Variants in CCDC7 observed in about 807,000 individuals in gnomAD.
The protein encoded by CCDC7 is coiled-coil domain-containing protein 7.
Under a neutral mutation model 196.9 loss-of-function variants are expected in CCDC7, and 183 were observed. The observed-to-expected ratio is 0.93, with a 90% CI of 0.82 to 1.05. CCDC7 has a LOEUF of 1.05. Among genes scored for constraint, CCDC7 ranks in the 50% least tolerant of loss-of-function variants. CCDC7 has a pLI of 0.00. For synonymous variants in CCDC7, 525 were observed against 484.6 expected (o/e 1.08, Z -1.10); for missense variants, 1,540 against 1,482.2 (o/e 1.04, Z -0.64).
At chr10:32,809,657 G>T (rs991964627) in intron 30 of CCDC7, among the ~76,000 whole-genome samples, 29 of 152,164 alleles carry the variant, frequency 1.9e-4, no homozygotes, top group Admixed American at 1.8e-3. Flanking sequence ...TCAGAGAAAT[G>T]CAAATCAAAA....
chr10:32,842,499 T>C (rs2093035460), intron 33 of CCDC7, among the ~76,000 whole-genome samples: 1 of 152,144 alleles, frequency 6.6e-6, no homozygotes, highest in African/African-American at 2.4e-5. Flanking sequence ...TTGGTGGGAA[T>C]GTAAACTAGT....
At chr10:32,791,003 G>A (rs1169965637) in intron 29 of CCDC7, among the ~76,000 whole-genome samples, 1 of 152,084 alleles carries the variant, frequency 6.6e-6, no homozygotes, top group African/African-American at 2.4e-5. Context: ...TCATTACTAT[G>A]GGAAAAATGA....
At chr10:32,722,446 A>G (rs920234396) in intron 25 of CCDC7, among the ~76,000 whole-genome samples, 1 of 152,098 alleles carries the variant, frequency 6.6e-6, no homozygotes, top group Non-Finnish European at 1.5e-5. Flanking sequence ...TCAGTGGGCT[A>G]GAAGTCTGGG....
At chr10:32,647,729 C>T (rs555989634) in intron 20 of CCDC7, among the ~76,000 whole-genome samples, 2 of 152,066 alleles carry the variant, frequency 1.3e-5, no homozygotes, top group Non-Finnish European at 2.9e-5. Flanking sequence ...GGATATTAGG[C>T]CTTTGTTGGA....
intron 21 of CCDC7, among the ~76,000 whole-genome samples, chr10:32,666,027 A>G (rs1304759293): frequency 1.3e-5 from 2 of 151,192 alleles, no homozygotes; most frequent in Admixed American, 6.6e-5. Context: ...AACACTACTA[A>G]TGTTTGTGTG....
intron 9 of CCDC7, chr10:32,511,993 CT>C (rs1044627850): frequency 2.2e-6 from 1 of 451,198 alleles, no homozygotes; most frequent in African/African-American, 2.0e-5. Context: ...TCATGTTGGT[CT>C]TTGGGGGAGC....
chr10:32,665,189 C>T (rs1308795850), intron 21 of CCDC7, among the ~76,000 whole-genome samples: 1 of 151,970 alleles, frequency 6.6e-6, no homozygotes, highest in African/African-American at 2.4e-5. Context: ...GTTGTTTGAG[C>T]TGCTTCTATA....
At chr10:32,841,236 A>G (rs1405564618) in intron 33 of CCDC7, among the ~76,000 whole-genome samples, 1 of 151,992 alleles carries the variant, frequency 6.6e-6, no homozygotes. Flanking sequence ...ATATGATCAT[A>G]TACCTAGGAA....
intron 9 of CCDC7, among the ~76,000 whole-genome samples, chr10:32,515,616 T>C (rs978597044): frequency 6.6e-6 from 1 of 152,112 alleles, no homozygotes; most frequent in African/African-American, 2.4e-5. Flanking sequence ...CAATCTTGGC[T>C]CACTGCAAGC....
chr10:32,533,966 T>C (rs2050089621), intron 11 of CCDC7, among the ~76,000 whole-genome samples: 1 of 152,144 alleles, frequency 6.6e-6, no homozygotes, highest in Non-Finnish European at 1.5e-5. Context: ...AGTTTTCTGT[T>C]ATTATTTCTT....
intron 8 of CCDC7, among the ~76,000 whole-genome samples, chr10:32,478,432 G>A (rs2039392979): frequency 6.6e-6 from 1 of 152,094 alleles, no homozygotes; most frequent in South Asian, 2.1e-4. Context: ...TATGATGTTA[G>A]CTATAAACTT....
At chr10:32,467,796 G>A (rs141727929) in intron 5 of CCDC7, among the ~76,000 whole-genome samples, 7 of 152,068 alleles carry the variant, frequency 4.6e-5, no homozygotes, top group East Asian at 1.9e-4. Context: ...TTAAATCTTC[G>A]GCACTTGGTT....
chr10:32,830,121 G>GATATATATATATATAT lies in CCDC7; in HGVS notation c.3269-4689_3269-4674dup. ...TCCTATTAGTTCTTATATATATAAGGATATATATATATATATATATCCTAT... is the reference window on the plus strand; with the variant it reads ...TCCTATTAGTTCTTATATATATAAGGATATATATATATATATATATATATATATATATATATCCTAT... On this transcript the variant is annotated intron_variant, in intron 32 of 41. Coordinates refer to ENST00000639629, the Ensembl canonical transcript of CCDC7. Among the ~76,000 whole-genome samples the GATATATATATATATAT allele has an allele frequency of 1.3e-3, 64 of 50,610 alleles. 5 individuals are homozygous for GATATATATATATATAT. In the South Asian group the frequency reaches 0.02, roughly 16 times the overall value. 33.2% of individuals were successfully genotyped at this position (50,610 alleles called of 152,430 possible).
chr10:32,621,022 CTTATTA>C (rs888475245), intron 18 of CCDC7, among the ~76,000 whole-genome samples: 1 of 152,260 alleles, frequency 6.6e-6, no homozygotes, highest in South Asian at 2.1e-4. Context: ...CTGCACTATT[CTTATTA>C]TTAAGAAATA....
At chr10:32,756,128 A>T (rs1414689367) in intron 28 of CCDC7, among the ~76,000 whole-genome samples, 3 of 152,206 alleles carry the variant, frequency 2.0e-5, no homozygotes, top group Non-Finnish European at 2.9e-5. Flanking sequence ...AATCTACATC[A>T]GATTGTTGTA....
At chr10:32,864,389 GTAATTA>G (rs2094129949) in intron 41 of CCDC7, among the ~76,000 whole-genome samples, 1 of 151,514 alleles carries the variant, frequency 6.6e-6, no homozygotes, top group African/African-American at 2.4e-5. Flanking sequence ...AAAAAAAATT[GTAATTA>G]TAATTGTCGG....
chr10:32,484,509 C>T (rs993117979), intron 8 of CCDC7, among the ~76,000 whole-genome samples: 8 of 152,082 alleles, frequency 5.3e-5, no homozygotes, highest in South Asian at 2.1e-4. Context: ...GCCTTATTGC[C>T]GTGGCCAGAA....
At position 32,780,855 on chromosome 10, in the gene CCDC7, A is replaced by T. The variant is rs555633484; in HGVS notation, c.3013+1771A>T. 9.9e-4 allele frequency among the ~76,000 whole-genome samples: 151 copies of T among 152,240 alleles called. 1 individual carries two copies. Among genetic ancestry groups the T allele is most frequent in the Middle Eastern group, 3.4e-3 (1 of 294 alleles). ...GAAATTTGCAGAATGAATTTTTTTT[A>T]AAAAATGATCAACTACATGCTGCTT... On this transcript the variant is annotated intron_variant, in intron 29 of 41. Coordinates refer to ENST00000639629, the Ensembl canonical transcript of CCDC7.
intron 13 of CCDC7, 86 bp from the exon 15 acceptor site, chr10:32,565,472 T>C (rs3824591): frequency 0.1 from 138,574 of 1,370,454 alleles, 8,738 homozygotes; most frequent in South Asian, 0.24. Context: ...TGGGTATCTA[T>C]GGGTTTTGGA....
Sources: allele counts gnomAD v4.1 joint callset (sites outside exome capture counted in the v4.1 genomes callset), GRCh38; gene constraint gnomAD v4.1.1; transcripts MANE v1.5; gene names NCBI Gene and HGNC (gene_info 2026-07-23, HGNC 2026-07-21).